The following PLPPR1 variants were observed in gnomAD, a reference collection of about 807,000 sequenced individuals.
The protein encoded by PLPPR1 is phospholipid phosphatase-related protein type 1.
A neutral mutation model predicts 33.1 loss-of-function variants in PLPPR1; 10 were observed. The observed-to-expected ratio is 0.30, with a 90% CI of 0.19 to 0.51. The LOEUF (loss-of-function observed/expected upper bound fraction) is 0.51, where lower values mean the gene tolerates loss of function less well. PLPPR1 is among the 20% of genes least tolerant of loss of function. The pLI, the probability that PLPPR1 is intolerant of heterozygous loss-of-function variation, is 0.97. For synonymous variants in PLPPR1, 151 were observed against 151.0 expected (o/e 1.00, Z 0.00); for missense variants, 304 against 408.1 (o/e 0.74, Z 2.20).
intron 2 of PLPPR1, among the ~76,000 whole-genome samples, chr9:101,235,371 A>T (rs1827277979): frequency 6.6e-6 from 1 of 151,804 alleles, no homozygotes. Context: ...AGCATTAGTG[A>T]TGCTAGTTCA....
chr9:101,268,648 T>C (rs1373501343), intron 2 of PLPPR1, among the ~76,000 whole-genome samples: 1 of 152,238 alleles, frequency 6.6e-6, no homozygotes, highest in African/African-American at 2.4e-5. Flanking sequence ...GGATTAGTCA[T>C]TCTGGGGCTG....
At chr9:101,045,499 T>C (rs545881476) in intron 1 of PLPPR1, among the ~76,000 whole-genome samples, 100 of 152,192 alleles carry the variant, frequency 6.6e-4, no homozygotes, top group Non-Finnish European at 7.9e-4. Context: ...GGAAGCTAGA[T>C]GCCTAATTGG....
intron 1 of PLPPR1, among the ~76,000 whole-genome samples, chr9:101,113,603 T>C (rs1179537663): frequency 1.3e-5 from 2 of 150,832 alleles, no homozygotes; most frequent in Non-Finnish European, 3.0e-5. Context: ...TGGGGGAAAA[T>C]GTAAGTGTTA....
intron 1 of PLPPR1, among the ~76,000 whole-genome samples, chr9:101,156,871 T>A (rs1831702340): frequency 1.3e-5 from 2 of 151,336 alleles, no homozygotes; most frequent in Admixed American, 6.6e-5. Flanking sequence ...TGATTCTGAA[T>A]GGCAAGCATT....
At chr9:101,203,739 C>CTATCTATATATATAGATATGTTATA (rs1374694695) in intron 2 of PLPPR1, among the ~76,000 whole-genome samples, 6 of 151,390 alleles carry the variant, frequency 4.0e-5, no homozygotes, top group Non-Finnish European at 7.4e-5. Context: ...TGTTATATAT[C>CTATCTATATATATAGATATGTTATA]TATCTATATA....
intron 2 of PLPPR1, among the ~76,000 whole-genome samples, chr9:101,224,502 G>A (rs1052580996): frequency 2.6e-5 from 4 of 152,078 alleles, no homozygotes; most frequent in Non-Finnish European, 4.4e-5. Flanking sequence ...AGTGGGCATC[G>A]TGGTGACGGT....
At chr9:101,265,697 A>C (rs561064137) in intron 2 of PLPPR1, among the ~76,000 whole-genome samples, 70 of 152,306 alleles carry the variant, frequency 4.6e-4, no homozygotes, top group African/African-American at 1.6e-3. Context: ...AGTTTCCTTT[A>C]AAAATATGGT....
At chr9:101,216,278 G>T (rs1245051577) in intron 2 of PLPPR1, among the ~76,000 whole-genome samples, 2 of 152,104 alleles carry the variant, frequency 1.3e-5, no homozygotes, top group Admixed American at 1.3e-4. Flanking sequence ...GATGATTATT[G>T]ATGCTGAACA....
chr9:101,058,526 G>A lies in PLPPR1; in HGVS notation c.-46+29424G>A, dbSNP rs137997335. ...ACTCAATCCCCCATTGCTAACAGAGGAGATGCAACTACTTAGACTGCGTGT... is the reference window on the plus strand; with the variant it reads ...ACTCAATCCCCCATTGCTAACAGAGAAGATGCAACTACTTAGACTGCGTGT... On this transcript the variant is annotated intron_variant, in intron 1 of 7. Transcript: ENST00000374874. Among the ~76,000 whole-genome samples the A allele has an allele frequency of 3.7e-3, 557 of 152,240 alleles. 3 individuals are homozygous for A. The highest frequency in any genetic ancestry group is 0.013 in the African/African-American group (524 of 41,538).
chr9:101,246,080 ATATATATAT>A (rs1335442370), intron 2 of PLPPR1, among the ~76,000 whole-genome samples: 1 of 124,308 alleles, frequency 8.0e-6, no homozygotes, highest in African/African-American at 3.0e-5. Flanking sequence ...ATATATATAT[ATATATATAT>A]ATATATATAT....
At chr9:101,142,755 T>TC (rs1831467966) in intron 1 of PLPPR1, among the ~76,000 whole-genome samples, 1 of 152,098 alleles carries the variant, frequency 6.6e-6, no homozygotes, top group African/African-American at 2.4e-5. Context: ...GCTTTTTTTT[T>TC]CCCCTTGGCA....
intron 1 of PLPPR1, among the ~76,000 whole-genome samples, chr9:101,085,558 C>A (rs1264841296): frequency 1.3e-5 from 2 of 151,512 alleles, no homozygotes; most frequent in African/African-American, 2.4e-5. Context: ...AACATTGGGG[C>A]CAACATTAAA....
intron 2 of PLPPR1, among the ~76,000 whole-genome samples, chr9:101,222,807 C>G (rs1446925241): frequency 6.6e-6 from 1 of 152,104 alleles, no homozygotes; most frequent in Admixed American, 6.5e-5. Context: ...TTGTGTGAGA[C>G]CATTCATCAT....
At position 101,078,187 on chromosome 9, in the gene PLPPR1, G is replaced by GAAGAAGAAGAA. The variant is rs1564138307; in HGVS notation, c.-46+49085_-46+49086insAAGAAGAAGAA. On this transcript the variant is annotated intron_variant, in intron 1 of 7. Coordinates refer to ENST00000374874, the MANE Select transcript of PLPPR1 (RefSeq NM_207299.2). ...AAGAAGAAGAAGAAGAAGAAGAAGA[G>GAAGAAGAAGAA]GAGGGGGGGAGGGGGAGGGGGAGGG... 3.4e-4 allele frequency among the ~76,000 whole-genome samples: 6 copies of GAAGAAGAAGAA among 17,746 alleles called. 1 individual carries two copies. Among genetic ancestry groups the GAAGAAGAAGAA allele is most frequent in the East Asian group, 8.5e-3 (1 of 118 alleles). The allele number at this position is 17,746 out of a possible 152,430, so 11.6% of individuals were successfully genotyped here.
In PLPPR1 at chr9:101,192,766, A is replaced by G. The variant is rs532592064; in HGVS notation, c.63+7209A>G. ...AAATGTGACATTGCTGGGCTTGAAT[A>G]TTTTTATAATATATATTAAGGTGGT... is the stretch of plus-strand genomic sequence containing the variant. On this transcript the variant is annotated intron_variant, in intron 2 of 7. Coordinates refer to ENST00000374874, the MANE Select transcript of PLPPR1 (RefSeq NM_207299.2). Among the ~76,000 whole-genome samples, 59 of 152,246 alleles carry G rather than the reference A, an allele frequency of 3.9e-4. No individual in the cohort carries two copies. The South Asian group carries it at 0.012, about 31-fold the overall frequency.
chr9:101,302,988 TTTTG>T (rs1340684863), intron 4 of PLPPR1, among the ~76,000 whole-genome samples: 2 of 152,308 alleles, frequency 1.3e-5, no homozygotes, highest in South Asian at 4.1e-4. Context: ...TTTGTTGTTA[TTTTG>T]TTTTTGTTTT....
chr9:101,072,262 C>T (rs957343551), intron 1 of PLPPR1, among the ~76,000 whole-genome samples: 1 of 152,138 alleles, frequency 6.6e-6, no homozygotes, highest in African/African-American at 2.4e-5. Context: ...GACTCAAGCC[C>T]TGGTCTTCCT....
intron 1 of PLPPR1, among the ~76,000 whole-genome samples, chr9:101,142,341 C>T (rs1831462754): frequency 6.6e-6 from 1 of 152,078 alleles, no homozygotes; most frequent in African/African-American, 2.4e-5. Flanking sequence ...GGTTAAAGAC[C>T]CATCAGAACT....
intron 1 of PLPPR1, among the ~76,000 whole-genome samples, chr9:101,051,627 C>A (rs915804964): frequency 1.2e-4 from 18 of 152,204 alleles, no homozygotes; most frequent in Non-Finnish European, 2.2e-4. Flanking sequence ...CAGAAATAAT[C>A]ATTTTCTACT....
Sources: gnomAD v4.1 joint callset for allele counts (sites outside exome capture counted in the v4.1 genomes callset) on GRCh38, gnomAD v4.1.1 for gene constraint, MANE v1.5 for transcripts, NCBI Gene and HGNC (gene_info 2026-07-23, HGNC 2026-07-21) for gene names.